The following RAB3GAP1 variants were observed in gnomAD, a reference collection of about 807,000 sequenced individuals.
The protein encoded by RAB3GAP1 is RAB3 GTPase activating protein catalytic subunit 1.
A neutral mutation model predicts 130.7 loss-of-function variants in RAB3GAP1; 86 were observed. That is an observed-to-expected ratio of 0.66 (90% CI 0.55 to 0.79). The LOEUF (loss-of-function observed/expected upper bound fraction) is 0.79. Ranked by LOEUF, RAB3GAP1 falls within the 30% of genes least tolerant of loss-of-function variation. RAB3GAP1 has a pLI of 0.00. For synonymous variants in RAB3GAP1, 367 were observed against 401.7 expected (o/e 0.91, Z 1.03); for missense variants, 1,029 against 1,169.4 (o/e 0.88, Z 1.75).
At position 135,169,363 on chromosome 2, in the gene RAB3GAP1, A is replaced by C. The variant is rs577502275; in HGVS notation, c.*582A>C. On this transcript the variant is annotated 3_prime_UTR_variant, in exon 24 of 24. Transcript: ENST00000264158. ...TGGATATTCTAGGAGAAAGCCTATA[A>C]TTTCACATAGTTTCTCTTTTTCATG... The C allele has an allele frequency of 5.6e-6, 1 of 177,962 alleles. No individual in the cohort carries two copies. Among genetic ancestry groups the C allele is most frequent in the South Asian group, 1.3e-4 (1 of 8,000 alleles). 11.0% of individuals were successfully genotyped at this position (177,962 alleles called of 1,614,324 possible). A position where few individuals can be genotyped will look rare whatever the true frequency, so the allele number is the denominator to read the frequency against.
At chr2:135,059,045 C>T (rs1689097022) in intron 3 of RAB3GAP1, 1 of 151,780 alleles carries the variant, frequency 6.6e-6, no homozygotes, top group Non-Finnish European at 1.5e-5. Context: ...ATGGTGAGAC[C>T]CTGTCTCTTA....
At chr2:135,112,557 GACACCTCTCCCACCAC>G (rs944697225) in intron 5 of RAB3GAP1, among the ~76,000 whole-genome samples, 8 of 152,106 alleles carry the variant, frequency 5.3e-5, no homozygotes, top group Non-Finnish European at 8.8e-5. Context: ...CGAGGCATCA[GACACCTCTCCCACCAC>G]ACACCTCTCC....
In RAB3GAP1 at chr2:135,124,382, C is replaced by T. The variant is rs145687095; in HGVS notation, c.830+136C>T. On this transcript the variant is annotated intron_variant, in intron 9 of 23. Transcript: ENST00000264158. ...TACTGGAAATAAAGAAAGACGTACA[C>T]CTGGGCTGGGCACAGGCTCATGCCT... The T allele has an allele frequency of 9.6e-3, 9,304 of 973,912 alleles. 95 individuals carry two copies. The highest frequency in any genetic ancestry group is 0.01 in the Non-Finnish European group (6,416 of 631,680). 60.3% of individuals were successfully genotyped at this position (973,912 alleles called of 1,614,324 possible).
At chr2:135,140,988 T>C (rs535859750) in intron 17 of RAB3GAP1, among the ~76,000 whole-genome samples, 1 of 152,318 alleles carries the variant, frequency 6.6e-6, no homozygotes, top group South Asian at 2.1e-4. Context: ...AATTTTTGCC[T>C]TTCTGAAGGG....
At chr2:135,068,014 A>G (rs1235834999) in intron 3 of RAB3GAP1, among the ~76,000 whole-genome samples, 1 of 152,194 alleles carries the variant, frequency 6.6e-6, no homozygotes, top group Non-Finnish European at 1.5e-5. Flanking sequence ...TGCTAGGATT[A>G]CAGGTGTGAT....
chr2:135,146,199 C>CTTTTTTTT (rs1173567563), intron 17 of RAB3GAP1, among the ~76,000 whole-genome samples: 7 of 96,596 alleles, frequency 7.2e-5, no homozygotes, highest in Admixed American at 1.1e-4. Flanking sequence ...CATATTTGTT[C>CTTTTTTTT]TTTTTTTTTT....
In RAB3GAP1 at chr2:135,168,806, G is replaced by A. The variant is rs1468527322; in HGVS notation, c.*25G>A. 2 of 1,597,412 alleles carry A rather than the reference G, an allele frequency of 1.3e-6. No homozygotes were observed. Among genetic ancestry groups the A allele is most frequent in the South Asian group, 1.1e-5 (1 of 90,710 alleles). On this transcript the variant is annotated 3_prime_UTR_variant, in exon 24 of 24. Transcript: ENST00000264158. Reference sequence around the variant, plus strand: ...ATTCTTCTAGCATTACTCGTTGGTGGCTTCAGAGACAGTGCTGCCTCCTCC... The same window carrying A: ...ATTCTTCTAGCATTACTCGTTGGTGACTTCAGAGACAGTGCTGCCTCCTCC...
intron 13 of RAB3GAP1, among the ~76,000 whole-genome samples, chr2:135,132,317 A>AT (rs1236339435): frequency 6.6e-6 from 1 of 151,568 alleles, no homozygotes; most frequent in South Asian, 2.1e-4. Context: ...TGTACACTGG[A>AT]TTTTTTTTTG....
intron 3 of RAB3GAP1, among the ~76,000 whole-genome samples, chr2:135,060,037 A>G (rs1307388352): frequency 6.6e-6 from 1 of 152,200 alleles, no homozygotes; most frequent in Non-Finnish European, 1.5e-5. Context: ...ATTATTTATT[A>G]AAAACCTTTA....
At chr2:135,090,653 GCTT>G (rs1158437668) in intron 3 of RAB3GAP1, among the ~76,000 whole-genome samples, 1 of 152,156 alleles carries the variant, frequency 6.6e-6, no homozygotes. Context: ...TGTGCAGACT[GCTT>G]CTTTATGAAG....
chr2:135,168,421 G>A (rs1573622390), intron 23 of RAB3GAP1, 124 bp from the exon 24 acceptor site: 1 of 848,936 alleles, frequency 1.2e-6, no homozygotes. Context: ...ACATATAGCT[G>A]ACTGCATTAC....
At chr2:135,096,712 T>C (rs946507489) in intron 5 of RAB3GAP1, among the ~76,000 whole-genome samples, 1 of 152,202 alleles carries the variant, frequency 6.6e-6, no homozygotes, top group Non-Finnish European at 1.5e-5. Flanking sequence ...AGGTACTTAG[T>C]ATCTCTGCAA....
At position 135,150,360 on chromosome 2, in the gene RAB3GAP1, G is replaced by A. The variant is rs765854914; in HGVS notation, c.1924-9G>A. 1 of 1,613,984 alleles carries A rather than the reference G, an allele frequency of 6.2e-7. No individual in the cohort carries two copies. Among genetic ancestry groups the A allele is most frequent in the South Asian group, 1.1e-5 (1 of 91,060 alleles). On this transcript the variant is annotated splice_polypyrimidine_tract_variant and intron_variant, in intron 17 of 23. Coordinates refer to ENST00000264158, the MANE Select transcript of RAB3GAP1 (RefSeq NM_012233.3). Reference sequence around the variant, plus strand: ...CTGTTTATGAGCCTTGTCCTTTTGTGCTTCACAGGAACCAGCACCTATGAC... The same window carrying A: ...CTGTTTATGAGCCTTGTCCTTTTGTACTTCACAGGAACCAGCACCTATGAC...
At chr2:135,103,706 G>T (rs1690515707) in intron 5 of RAB3GAP1, among the ~76,000 whole-genome samples, 1 of 151,806 alleles carries the variant, frequency 6.6e-6, no homozygotes, top group African/African-American at 2.4e-5. Flanking sequence ...TGCCAGATGA[G>T]CAGGTTTAAT....
At chr2:135,110,975 GA>G (rs573409409) in intron 5 of RAB3GAP1, among the ~76,000 whole-genome samples, 1,522 of 151,932 alleles carry the variant, frequency 0.01, 23 homozygotes, top group African/African-American at 0.035. Flanking sequence ...AGGGACATTT[GA>G]AAAAAAGAAA....
intron 5 of RAB3GAP1, among the ~76,000 whole-genome samples, chr2:135,110,266 TG>T (rs1690759780): frequency 6.6e-6 from 1 of 152,076 alleles, no homozygotes; most frequent in African/African-American, 2.4e-5. Flanking sequence ...CCCAAGCTGC[TG>T]GGACTACAGG....
rs781718959 is a variant in RAB3GAP1 at position 135,135,935 on chromosome 2, A to G, written c.1923+3A>G. ...CTCTCTACATTCCAGTAACCCAGGT[A>G]GGATGCACTAGTTCTTTCCATTTTA... is the stretch of plus-strand genomic sequence containing the variant. On this transcript the variant is annotated splice_donor_region_variant and intron_variant, in intron 17 of 23. Transcript: ENST00000264158. The G allele has an allele frequency of 6.2e-7, 1 of 1,613,050 alleles. No individual in the cohort carries two copies. The highest frequency in any genetic ancestry group is 1.3e-5 in the African/African-American group (1 of 74,918).
intron 3 of RAB3GAP1, among the ~76,000 whole-genome samples, chr2:135,090,076 T>TA (rs1558770552): frequency 6.6e-6 from 1 of 152,196 alleles, no homozygotes; most frequent in Non-Finnish European, 1.5e-5. Flanking sequence ...TCCCAGAACT[T>TA]AAAGTATAAT....
At chr2:135,129,041 AC>A in intron 11 of RAB3GAP1, among the ~76,000 whole-genome samples, 1 of 152,258 alleles carries the variant, frequency 6.6e-6, no homozygotes, top group Non-Finnish European at 1.5e-5. Flanking sequence ...GTCCCAGCCT[AC>A]CCAGGAGGCT....
Sources: gnomAD v4.1 joint callset for allele counts (sites outside exome capture counted in the v4.1 genomes callset) on GRCh38, gnomAD v4.1.1 for gene constraint, MANE v1.5 for transcripts, NCBI Gene and HGNC (gene_info 2026-07-23, HGNC 2026-07-21) for gene names.